Variants in PXDN observed in about 807,000 individuals in gnomAD.
PXDN encodes peroxidasin.
A neutral mutation model predicts 140.3 loss-of-function variants in PXDN; 77 were observed. That is an observed-to-expected ratio of 0.55 (90% CI 0.46 to 0.66). The LOEUF is 0.66. Ranked by LOEUF, PXDN falls within the 30% of genes least tolerant of loss-of-function variation. The pLI, the probability that PXDN is intolerant of heterozygous loss-of-function variation, is 0.00. For missense variants in PXDN, 1,838 were observed against 2,039.5 expected (o/e 0.90, Z 1.90); for synonymous variants, 911 against 857.4 (o/e 1.06, Z -1.09).
At chr2:1,643,661 T>TGAACTAAGCAGGGG in intron 18 of PXDN, 85 bp from the exon 19 acceptor site, 1 of 1,419,750 alleles carries the variant, frequency 7.0e-7, no homozygotes, top group Non-Finnish European at 9.9e-7. Context: ...CTCCCCTGCT[T>TGAACTAAGCAGGGG]AGTTCACAGC....
chr2:1,705,221 G>C (rs1166975360), intron 1 of PXDN, among the ~76,000 whole-genome samples: 2 of 152,132 alleles, frequency 1.3e-5, no homozygotes, highest in East Asian at 3.9e-4. Context: ...CCTCCCCTGA[G>C]GGAGAGGCAG....
intron 18 of PXDN, 119 bp from the exon 19 acceptor site, chr2:1,643,695 T>C (rs1682782049): frequency 1.9e-6 from 2 of 1,025,938 alleles, no homozygotes; most frequent in East Asian, 5.0e-5. Context: ...CTAGGTTTGA[T>C]TAGGTGTCAC....
chr2:1,673,359 T>C (rs1683621301), intron 9 of PXDN, among the ~76,000 whole-genome samples: 1 of 152,000 alleles, frequency 6.6e-6, no homozygotes, highest in Non-Finnish European at 1.5e-5. Flanking sequence ...GGTCAGGGTG[T>C]GGCAAGGCCC....
rs1331024534 is a variant in PXDN at position 1,655,399 on chromosome 2, ACACAT to A, written c.1838-896_1838-892del. Among the ~76,000 whole-genome samples the A allele has an allele frequency of 2.6e-5, 4 of 151,896 alleles. No homozygotes were observed. The South Asian group carries it at 8.3e-4, about 32-fold the overall frequency. ...AAATCACATTACACACACACACCAC[ACACAT>A]CACATTATACACACACATCACATTG... On this transcript the variant is annotated intron_variant, in intron 14 of 22. Coordinates refer to ENST00000252804, the MANE Select transcript of PXDN (RefSeq NM_012293.3).
rs755443877 is a variant in PXDN at position 1,654,506 on chromosome 2, G to A, written c.1840C>T (p.Pro614Ser). Residue 614 changes from proline (P) to serine (S), a missense_variant and splice_region_variant, in exon 15 of 23, where the codon CCT (proline) becomes TCT (serine). This residue lies in a region of PXDN where 537 missense variants were observed against 583.9 expected (regional missense o/e 0.92). Coordinates refer to ENST00000252804, the MANE Select transcript of PXDN (RefSeq NM_012293.3). ...SVSMVLSVNV[P>S]DVSRNGDPFV... ...GGATCTCCATTTCGACTGACGTCAG[G>A]AACTAGGAAAATACAAAGTCGCGTA... 2 of 1,609,324 alleles carry A rather than the reference G, an allele frequency of 1.2e-6. No individual in the cohort carries two copies. Among genetic ancestry groups the A allele is most frequent in the Non-Finnish European group, 1.7e-6 (2 of 1,175,898 alleles).
In PXDN at chr2:1,642,811, T is replaced by A. The variant is rs569380206; in HGVS notation, c.3952+557A>T. 5.3e-5 allele frequency among the ~76,000 whole-genome samples: 8 copies of A among 152,256 alleles called. No individual in the cohort carries two copies. In the East Asian group the frequency reaches 1.2e-3, roughly 22 times the overall value. On this transcript the variant is annotated intron_variant, in intron 19 of 22. Coordinates refer to ENST00000252804, the MANE Select transcript of PXDN (RefSeq NM_012293.3). Reference sequence around the variant, plus strand: ...CGGAGCTGGCACTCCAGGGCACGAGTGCCGGGGCTGTGGGATTGATATCAG... The same window carrying A: ...CGGAGCTGGCACTCCAGGGCACGAGAGCCGGGGCTGTGGGATTGATATCAG...
At chr2:1,705,577 A>C (rs1463383966) in intron 1 of PXDN, among the ~76,000 whole-genome samples, 1 of 135,152 alleles carries the variant, frequency 7.4e-6, no homozygotes, top group Admixed American at 7.5e-5. Context: ...GCAGCTCCCC[A>C]TGACCTGGAA....
intron 16 of PXDN, among the ~76,000 whole-genome samples, chr2:1,650,316 G>A (rs1416615708): frequency 1.3e-5 from 2 of 152,096 alleles, no homozygotes; most frequent in East Asian, 3.9e-4. Context: ...AGGGCCTCCT[G>A]CCTGGTGGAG....
intron 14 of PXDN, among the ~76,000 whole-genome samples, chr2:1,656,847 C>T (rs1163106470): frequency 6.6e-6 from 1 of 150,764 alleles, no homozygotes; most frequent in African/African-American, 2.4e-5. Context: ...ACCCTCTTGA[C>T]AGGGACTTGC....
chr2:1,658,835 T>C (rs1683235827), intron 14 of PXDN, among the ~76,000 whole-genome samples: 1 of 113,496 alleles, frequency 8.8e-6, no homozygotes, highest in African/African-American at 3.5e-5. Context: ...CCACCCCCCA[T>C]CTCCCCGCGG....
chr2:1,659,943 A>C (rs1465282272), intron 14 of PXDN, among the ~76,000 whole-genome samples: 6 of 152,172 alleles, frequency 3.9e-5, no homozygotes, highest in Non-Finnish European at 8.8e-5. Flanking sequence ...AGAGTGGAAA[A>C]GGCAAAAATA....
At chr2:1,671,201 G>C (rs1683567030) in intron 9 of PXDN, among the ~76,000 whole-genome samples, 1 of 152,142 alleles carries the variant, frequency 6.6e-6, no homozygotes, top group African/African-American at 2.4e-5. Context: ...AATTTTCTAG[G>C]CTAACCATTA....
At chr2:1,669,543 A>G (rs570234696) in intron 9 of PXDN, among the ~76,000 whole-genome samples, 2 of 152,236 alleles carry the variant, frequency 1.3e-5, no homozygotes, top group African/African-American at 2.4e-5. Flanking sequence ...CATATGTCCA[A>G]ATAAATTTTT....
chr2:1,684,242 A>T (rs1683993928), intron 4 of PXDN, 91 bp from the exon 5 acceptor site: 2 of 1,008,464 alleles, frequency 2.0e-6, no homozygotes, highest in Non-Finnish European at 3.0e-6. Context: ...GTCATTTCAA[A>T]TTCAGATATC....
chr2:1,722,413 C>T (rs969870456), intron 1 of PXDN, among the ~76,000 whole-genome samples: 7 of 152,204 alleles, frequency 4.6e-5, no homozygotes, highest in Admixed American at 3.3e-4. Context: ...AACGCAGAAT[C>T]CATTGCGTGC....
intron 9 of PXDN, among the ~76,000 whole-genome samples, chr2:1,667,187 C>T (rs1285973395): frequency 6.6e-6 from 1 of 152,002 alleles, no homozygotes; most frequent in Non-Finnish European, 1.5e-5. Context: ...GAGACAGAGA[C>T]ACGAAAAACC....
intron 9 of PXDN, among the ~76,000 whole-genome samples, chr2:1,667,873 C>A (rs1268625648): frequency 6.6e-6 from 1 of 152,202 alleles, no homozygotes; most frequent in Non-Finnish European, 1.5e-5. Flanking sequence ...AATGGCCATA[C>A]TGCCCAAAGT....
intron 4 of PXDN, among the ~76,000 whole-genome samples, 200 bp from the exon 5 acceptor site, chr2:1,684,351 C>A (rs895154553): frequency 1.3e-5 from 2 of 152,112 alleles, no homozygotes; most frequent in Non-Finnish European, 2.9e-5. Context: ...GCACAGATGT[C>A]CACCCTAGTG....
rs1033911757 is a variant in PXDN at position 1,685,173 on chromosome 2, G to T, written c.417-1022C>A. ...CAGCTCCCCAGGCAGCACCCACACAGGCCACACTGAGTCTCTGCGGACACC... is the reference window on the plus strand; with the variant it reads ...CAGCTCCCCAGGCAGCACCCACACATGCCACACTGAGTCTCTGCGGACACC... On this transcript the variant is annotated intron_variant, in intron 4 of 22. Transcript: ENST00000252804. This position sits in a 1 kb window ranked among gnomAD's most constrained non-coding sequence, Gnocchi z 5.1. Among the ~76,000 whole-genome samples, 2 of 152,224 alleles carry T rather than the reference G, an allele frequency of 1.3e-5. No individual in the cohort carries two copies. The highest frequency in any genetic ancestry group is 2.4e-5 in the African/African-American group (1 of 41,466).
Sources: allele counts gnomAD v4.1 joint callset (sites outside exome capture counted in the v4.1 genomes callset), GRCh38; gene constraint gnomAD v4.1.1; regional missense constraint gnomAD v4.1.1; non-coding constraint Gnocchi (gnomAD v3.1); transcripts MANE v1.5; gene names NCBI Gene and HGNC (gene_info 2026-07-23, HGNC 2026-07-21).